The following RNLS variants were observed in gnomAD, a reference collection of about 807,000 sequenced individuals.
The protein encoded by RNLS is renalase.
Under a neutral mutation model 39.8 loss-of-function variants are expected in RNLS, and 39 were observed. The ratio of observed to expected loss-of-function variants is 0.98; its 90% CI spans 0.76 to 1.28. The LOEUF is 1.28. Ranked by LOEUF, RNLS falls within the 50% of genes most tolerant of loss-of-function variation. RNLS has a pLI of 0.00. For synonymous variants in RNLS, 147 were observed against 150.7 expected, an observed-to-expected ratio of 0.98 and a Z score of 0.18; for missense variants, 410 against 413.3, an observed-to-expected ratio of 0.99 and a Z score of 0.07.
chr10:88,277,018 C>T (rs1842834838), intron 6 of RNLS, among the ~76,000 whole-genome samples: 2 of 152,290 alleles, frequency 1.3e-5, no homozygotes, highest in East Asian at 3.9e-4. Flanking sequence ...TATAAAGACA[C>T]ATGCACACGT....
intron 4 of RNLS, among the ~76,000 whole-genome samples, chr10:88,491,035 C>A (rs1844849025): frequency 6.6e-6 from 1 of 152,116 alleles, no homozygotes; most frequent in Non-Finnish European, 1.5e-5. Context: ...AGAAAGCACA[C>A]AGATTGAGGG....
chr10:88,532,344 T>C (rs1024601635), intron 4 of RNLS, among the ~76,000 whole-genome samples: 1 of 152,032 alleles, frequency 6.6e-6, no homozygotes, highest in Non-Finnish European at 1.5e-5. Flanking sequence ...AATGGTTATA[T>C]CTAAAATTGA....
intron 4 of RNLS, among the ~76,000 whole-genome samples, chr10:88,554,044 T>A (rs1848728765): frequency 9.9e-5 from 15 of 152,226 alleles, no homozygotes; most frequent in Admixed American, 7.9e-4. Context: ...TTTATAAAAA[T>A]ATATATGGAA....
intron 4 of RNLS, among the ~76,000 whole-genome samples, chr10:88,405,234 T>G (rs1397775051): frequency 6.6e-6 from 1 of 152,038 alleles, no homozygotes; most frequent in Non-Finnish European, 1.5e-5. Flanking sequence ...GCAGATACAA[T>G]TCTGGCAGAT....
chr10:88,191,696 G>T, the RNLS span, among the ~76,000 whole-genome samples: 1 of 152,198 alleles, frequency 6.6e-6, no homozygotes, highest in African/African-American at 2.4e-5. Flanking sequence ...CATCAGAGAA[G>T]CTCAGTCGAA....
chr10:88,482,396 T>C (rs1844239366), intron 4 of RNLS, among the ~76,000 whole-genome samples: 1 of 152,168 alleles, frequency 6.6e-6, no homozygotes, highest in Admixed American at 6.6e-5. Context: ...TCAAGTTAAC[T>C]GATTCTCTCT....
At chr10:88,263,814 C>T in the RNLS span, among the ~76,000 whole-genome samples, 1 of 151,996 alleles carries the variant, frequency 6.6e-6, no homozygotes, top group Non-Finnish European at 1.5e-5. Flanking sequence ...ATGTCTTCTT[C>T]TTCTTCTTCT....
the RNLS span, among the ~76,000 whole-genome samples, chr10:88,268,531 A>C: frequency 2.7e-3 from 406 of 152,334 alleles, 1 homozygote; most frequent in Non-Finnish European, 4.3e-3. Flanking sequence ...TCTCACTAGA[A>C]TGACAGTTTC....
At chr10:88,545,873 T>A (rs1848280565) in intron 4 of RNLS, among the ~76,000 whole-genome samples, 1 of 152,166 alleles carries the variant, frequency 6.6e-6, no homozygotes, top group African/African-American at 2.4e-5. Flanking sequence ...TGTATATACT[T>A]TAAATGGAAA....
intron 4 of RNLS, among the ~76,000 whole-genome samples, chr10:88,474,986 C>A (rs571285436): frequency 1.3e-5 from 2 of 152,018 alleles, no homozygotes; most frequent in East Asian, 1.9e-4. Context: ...TCAGCTCCCC[C>A]CGGCAACAAG....
chr10:88,441,891 C>A (rs116227422), intron 4 of RNLS, among the ~76,000 whole-genome samples: 2 of 152,140 alleles, frequency 1.3e-5, no homozygotes, highest in African/African-American at 2.4e-5. Flanking sequence ...AGCTGTGATG[C>A]CTTCCTTTAC....
intron 4 of RNLS, among the ~76,000 whole-genome samples, chr10:88,542,310 C>A (rs541052987): frequency 2.6e-5 from 4 of 152,088 alleles, no homozygotes; most frequent in Admixed American, 2.0e-4. Flanking sequence ...GGAGTCAGCA[C>A]GTGACTGGGA....
intron 4 of RNLS, among the ~76,000 whole-genome samples, chr10:88,445,168 A>G (rs1841961944): frequency 6.6e-6 from 1 of 152,222 alleles, no homozygotes; most frequent in Non-Finnish European, 1.5e-5. Context: ...AACATTCAAC[A>G]TTCGTAAAGA....
chr10:88,565,747 C>CTTTTTTTTTTTT, intron 4 of RNLS, among the ~76,000 whole-genome samples: 1 of 98,062 alleles, frequency 1.0e-5, no homozygotes, highest in Non-Finnish European at 2.0e-5. Flanking sequence ...CGTTATCTTT[C>CTTTTTTTTTTTT]TTTTTTTTTT....
intron 4 of RNLS, among the ~76,000 whole-genome samples, chr10:88,493,748 C>T (rs1845011837): frequency 6.6e-6 from 1 of 152,060 alleles, no homozygotes; most frequent in Non-Finnish European, 1.5e-5. Flanking sequence ...GTAAGGTCAA[C>T]AGCTTAAGAG....
intron 4 of RNLS, among the ~76,000 whole-genome samples, chr10:88,519,858 A>G (rs563447497): frequency 4.8e-4 from 73 of 151,718 alleles, no homozygotes; most frequent in Admixed American, 9.9e-4. Flanking sequence ...TGTTGTCTAA[A>G]TGTATTTAGC....
chr10:88,329,364 C>A (rs1846906608), intron 5 of RNLS, among the ~76,000 whole-genome samples: 1 of 152,028 alleles, frequency 6.6e-6, no homozygotes. Context: ...AGAGGTCTTT[C>A]TTAATTTGGC....
At chr10:88,266,127 C>CT in the RNLS span, among the ~76,000 whole-genome samples, 1 of 145,510 alleles carries the variant, frequency 6.9e-6, no homozygotes, top group Non-Finnish European at 1.5e-5. Context: ...ATTCTGAGTG[C>CT]TTTTTTACCA....
downstream of RNLS, among the ~76,000 whole-genome samples, chr10:88,280,793 A>G (rs559064425): frequency 2.0e-5 from 3 of 152,314 alleles, no homozygotes; most frequent in South Asian, 6.2e-4. Context: ...TGTTGTTGTT[A>G]TTAGGAGATC....
Sources: allele counts gnomAD v4.1 joint callset (sites outside exome capture counted in the v4.1 genomes callset), GRCh38; gene constraint gnomAD v4.1.1; transcripts MANE v1.5; gene names NCBI Gene and HGNC (gene_info 2026-07-23, HGNC 2026-07-21).